SENP2: variants seen among roughly 807,000 people sequenced by gnomAD.
The protein encoded by SENP2 is SUMO specific peptidase 2, also known as sentrin-specific protease 2.
Under a neutral mutation model 86.3 loss-of-function variants are expected in SENP2, and 16 were observed. That is an observed-to-expected ratio of 0.19 (90% CI 0.13 to 0.28). The LOEUF (loss-of-function observed/expected upper bound fraction) is 0.28, where lower values mean the gene tolerates loss of function less well. SENP2 is among the 10% of genes least tolerant of loss of function. SENP2 has a pLI of 1.00. For missense variants in SENP2, 552 were observed against 703.0 expected (o/e 0.79, Z 2.43); for synonymous variants, 222 against 238.7 (o/e 0.93, Z 0.64).
chr3:185,622,917 A>G (rs1163226416), intron 14 of SENP2, among the ~76,000 whole-genome samples: 2 of 148,608 alleles, frequency 1.3e-5, no homozygotes, highest in Non-Finnish European at 3.0e-5. Context: ...CCTGGGTTCA[A>G]GTGATGCTCG....
At chr3:185,626,911 A>G (rs1712171394) in intron 16 of SENP2, among the ~76,000 whole-genome samples, 1 of 151,546 alleles carries the variant, frequency 6.6e-6, no homozygotes, top group Admixed American at 6.6e-5. Flanking sequence ...CCATGTCTCT[A>G]CTAAAAATAC....
In SENP2 at chr3:185,630,426, T is replaced by G. The variant is rs533577109; in HGVS notation, c.*582T>G. On this transcript the variant is annotated 3_prime_UTR_variant, in exon 17 of 17. Transcript: ENST00000296257. ...GGGTTTGGGATTTTTTTTGTTTTTG[T>G]TTTTTTGAGGCTCAAAAAATGCTGG... is the stretch of plus-strand genomic sequence containing the variant. 1 of 153,300 alleles carries G rather than the reference T, an allele frequency of 6.5e-6. No individual in the cohort carries two copies. The highest frequency in any genetic ancestry group is 1.9e-4 in the East Asian group (1 of 5,194). 9.5% of individuals were successfully genotyped at this position (153,300 alleles called of 1,614,324 possible). A position where few individuals can be genotyped will look rare whatever the true frequency, so the allele number is the denominator to read the frequency against.
intron 5 of SENP2, among the ~76,000 whole-genome samples, chr3:185,605,407 A>G (rs1284280597): frequency 6.6e-6 from 1 of 152,112 alleles, no homozygotes; most frequent in African/African-American, 2.4e-5. Context: ...TTACATGATC[A>G]TGGATTACCA....
chr3:185,614,628 G>C lies in SENP2; in HGVS notation c.998G>C (p.Ser333Thr), dbSNP rs767469895. ...GTGTCGGCCCGACTCCGCCTGGGCA[G>C]TGGAAGCAATGGCTTACTCAGGAGG... ...EEVSARLRLG[S>T]GSNGLLRRKV... The change falls in exon 11 of 17, where the codon AGT (serine) becomes ACT (threonine). Residue 333 changes from serine (S) to threonine (T), a missense_variant. Physicochemically the swap from Ser to Thr is moderately conservative, Grantham distance 58 (BLOSUM62 1). Coordinates refer to ENST00000296257, the MANE Select transcript of SENP2 (RefSeq NM_021627.3). 6.2e-7 allele frequency: 1 copy of C among 1,614,276 alleles called. No homozygotes were observed. Among genetic ancestry groups the C allele is most frequent in the South Asian group, 1.1e-5 (1 of 91,088 alleles).
intron 5 of SENP2, among the ~76,000 whole-genome samples, chr3:185,601,150 TCTC>T (rs1722332694): frequency 6.6e-6 from 1 of 150,826 alleles, no homozygotes; most frequent in African/African-American, 2.4e-5. Flanking sequence ...TTCAAGCAAT[TCTC>T]CTGCCTCAGC....
At chr3:185,628,631 C>T (rs1011394191) in intron 16 of SENP2, among the ~76,000 whole-genome samples, 1 of 152,174 alleles carries the variant, frequency 6.6e-6, no homozygotes, top group African/African-American at 2.4e-5. Context: ...TTCAGCCTCC[C>T]AAGTAACCGT....
intron 1 of SENP2, among the ~76,000 whole-genome samples, chr3:185,587,001 A>G (rs1265209531): frequency 6.6e-6 from 1 of 152,192 alleles, no homozygotes; most frequent in Non-Finnish European, 1.5e-5. Flanking sequence ...TTGGGGCCAG[A>G]AGGGTTTTGT....
intron 14 of SENP2, among the ~76,000 whole-genome samples, chr3:185,623,265 CAAG>C (rs1253712213): frequency 6.6e-6 from 1 of 152,054 alleles, no homozygotes; most frequent in African/African-American, 2.4e-5. Flanking sequence ...CCTCAGCTCC[CAAG>C]TAGCTGGTAT....
chr3:185,607,378 G>A (rs1302164390), intron 6 of SENP2, among the ~76,000 whole-genome samples: 1 of 126,002 alleles, frequency 7.9e-6, no homozygotes, highest in Non-Finnish European at 1.6e-5. Context: ...GCCCAGGCTA[G>A]AGTGCAATGG....
At chr3:185,592,891 A>T (rs149279130) in intron 2 of SENP2, among the ~76,000 whole-genome samples, 1 of 152,346 alleles carries the variant, frequency 6.6e-6, no homozygotes, top group Non-Finnish European at 1.5e-5. Context: ...TGCTGGAATT[A>T]CAGGCGTGAG....
intron 7 of SENP2, chr3:185,611,443 G>C: frequency 2.5e-6 from 1 of 406,904 alleles, no homozygotes. Flanking sequence ...AGAAACTGGA[G>C]GTTAGGTGAC....
rs1712554454 is a variant in SENP2, at chr3:185,632,947, G to GT, written c.*3104dup. 6.6e-6 allele frequency: 1 copy of GT among 152,188 alleles called. No individual in the cohort carries two copies. Among genetic ancestry groups the GT allele is most frequent in the Non-Finnish European group, 1.5e-5 (1 of 68,032 alleles). The allele number at this position is 152,188 out of a possible 1,614,324, so 9.4% of individuals were successfully genotyped here. A position where few individuals can be genotyped will look rare whatever the true frequency, so the allele number is the denominator to read the frequency against. Reference sequence around the variant, plus strand: ...TTTAAAAATATACCATTGAGAACACGTATCTTTCTCAAACTTGACCTTGAA... The same window carrying GT: ...TTTAAAAATATACCATTGAGAACACGTTATCTTTCTCAAACTTGACCTTGAA... On this transcript the variant is annotated 3_prime_UTR_variant, in exon 17 of 17. Transcript: ENST00000296257.
rs369236428 is a variant in SENP2, at chr3:185,632,213, G to GTTTTTT, written c.*2374_*2379dup. 1.9e-4 allele frequency: 24 copies of GTTTTTT among 125,326 alleles called. No individual in the cohort carries two copies. Among genetic ancestry groups the GTTTTTT allele is most frequent in the Non-Finnish European group, 3.3e-4 (20 of 60,740 alleles). The allele number at this position is 125,326 out of a possible 1,614,324, so 7.8% of individuals were successfully genotyped here. On this transcript the variant is annotated 3_prime_UTR_variant, in exon 17 of 17. Transcript: ENST00000296257. ...CAAATTATCACCATTAAAGCCAGTG[G>GTTTTTT]TTTTTTTTTTGTTTTTTTTTTTTGT... is the stretch of plus-strand genomic sequence containing the variant.
chr3:185,594,632 T>G (rs1295406913), intron 2 of SENP2, among the ~76,000 whole-genome samples: 1 of 151,656 alleles, frequency 6.6e-6, no homozygotes, highest in Non-Finnish European at 1.5e-5. Flanking sequence ...TTTTTTTTTT[T>G]TTTTTGGGAC....
chr3:185,622,147 C>G (rs1168586823), intron 14 of SENP2, among the ~76,000 whole-genome samples: 3 of 152,188 alleles, frequency 2.0e-5, no homozygotes, highest in Non-Finnish European at 2.9e-5. Context: ...CTGTGACTTG[C>G]ATTAGATTTC....
At chr3:185,588,451 A>G (rs1721873564) in intron 1 of SENP2, among the ~76,000 whole-genome samples, 1 of 152,136 alleles carries the variant, frequency 6.6e-6, no homozygotes, top group South Asian at 2.1e-4. Flanking sequence ...TCGGCCTCCC[A>G]AAATGCTGGG....
intron 2 of SENP2, among the ~76,000 whole-genome samples, chr3:185,594,547 G>A (rs1016928076): frequency 6.6e-6 from 1 of 151,010 alleles, no homozygotes; most frequent in Admixed American, 6.6e-5. Flanking sequence ...TCCATTGGTT[G>A]CTTTTGAGAG....
rs566703490 is a variant in SENP2 at position 185,598,876 on chromosome 3, G to T, written c.292-82G>T. On this transcript the variant is annotated intron_variant, in intron 3 of 16. Transcript: ENST00000296257. ...GGTATCTCTTCTGTGAGCTACCTAA[G>T]AAAAAGTTATCTTTTCATAATAGAA... 8.9e-6 allele frequency: 10 copies of T among 1,126,550 alleles called. No homozygotes were observed. The East Asian group carries it at 2.4e-4, about 27-fold the overall frequency. The allele number at this position is 1,126,550 out of a possible 1,614,324, so 69.8% of individuals were successfully genotyped here.
chr3:185,613,242 A>C, intron 9 of SENP2, 103 bp from the exon 10 acceptor site: 1 of 751,702 alleles, frequency 1.3e-6, no homozygotes, highest in Non-Finnish European at 2.3e-6. Flanking sequence ...TAAACTCAAC[A>C]CAATTTTTAT....
Sources: gnomAD v4.1 joint callset for allele counts (sites outside exome capture counted in the v4.1 genomes callset) on GRCh38, gnomAD v4.1.1 for gene constraint, MANE v1.5 for transcripts, NCBI Gene and HGNC (gene_info 2026-07-23, HGNC 2026-07-21) for gene names.